USH2A: variants seen among roughly 807,000 people sequenced by gnomAD.
USH2A encodes Usher syndrome 2A (autosomal recessive, mild).
USH2A carries 443 observed loss-of-function variants against 538.9 expected under a neutral mutation model. The ratio of observed to expected loss-of-function variants is 0.82; its 90% CI spans 0.76 to 0.89. The LOEUF is 0.89. Among genes scored for constraint, USH2A ranks in the 40% least tolerant of loss-of-function variants. The pLI, the probability that USH2A is intolerant of heterozygous loss-of-function variation, is 0.00. For synonymous variants in USH2A, 2,413 were observed against 2,273.5 expected, an observed-to-expected ratio of 1.06 and a Z score of -1.75; for missense variants, 6,633 against 6,324.8, an observed-to-expected ratio of 1.05 and a Z score of -1.65.
intron 61 of USH2A, among the ~76,000 whole-genome samples, chr1:215,716,572 T>C (rs1269514769): frequency 6.6e-6 from 1 of 152,204 alleles, no homozygotes; most frequent in Non-Finnish European, 1.5e-5. Context: ...ATTCACTACT[T>C]GTGTCTTGTC....
At chr1:215,719,131 G>C (rs1461436250) in intron 61 of USH2A, among the ~76,000 whole-genome samples, 1 of 152,102 alleles carries the variant, frequency 6.6e-6, no homozygotes, top group East Asian at 1.9e-4. Flanking sequence ...TGTATGATTT[G>C]AGAAGTGTGA....
intron 32 of USH2A, among the ~76,000 whole-genome samples, chr1:216,042,452 C>G (rs962506965): frequency 6.6e-6 from 1 of 151,980 alleles, no homozygotes; most frequent in Non-Finnish European, 1.5e-5. Flanking sequence ...TACAGATCCA[C>G]TTTAGTAGAC....
At position 216,292,229 on chromosome 1, in the gene USH2A, C is replaced by A; in HGVS notation, c.1786G>T (p.Glu596Ter). Residue 596 changes from glutamate to a stop codon, truncating the protein, a stop_gained, in exon 10 of 72, where the codon GAG becomes TAG. Coordinates refer to ENST00000307340, the MANE Select transcript of USH2A (RefSeq NM_206933.4). LOFTEE classifies it high-confidence loss of function. ...ACTCCTCCTCCCCCTCTGAAGTGCTCAAAAGGAAATGGGTCTACAGAGATG... is the reference window on the plus strand; with the variant it reads ...ACTCCTCCTCCCCCTCTGAAGTGCTAAAAAGGAAATGGGTCTACAGAGATG... ...YNISVDPFPFEHFRGGGGVCD... is the reference protein window; with the variant it reads ...YNISVDPFPF 1 of 1,614,022 alleles carries A rather than the reference C, an allele frequency of 6.2e-7. No homozygotes were observed. The highest frequency in any genetic ancestry group is 1.1e-5 in the South Asian group (1 of 91,054).
chr1:215,855,329 A>T (rs966034699), intron 44 of USH2A, among the ~76,000 whole-genome samples: 10 of 152,226 alleles, frequency 6.6e-5, no homozygotes, highest in African/African-American at 2.4e-4. Context: ...TACACAAATC[A>T]GTAGCACTGT....
In USH2A at chr1:215,910,697, CATCA is replaced by C. The variant is rs552048146; in HGVS notation, c.7301-9796_7301-9793del. ...TTACTCATTTATTATTTCTTAGTAA[CATCA>C]ATCAAAGTATCTTCTTAAGTATCAC... On this transcript the variant is annotated intron_variant, in intron 38 of 71. Coordinates refer to ENST00000307340, the MANE Select transcript of USH2A (RefSeq NM_206933.4). Among the ~76,000 whole-genome samples the C allele has an allele frequency of 7.9e-5, 12 of 151,962 alleles. No individual in the cohort carries two copies. The South Asian group carries it at 1.5e-3, about 18-fold the overall frequency.
intron 62 of USH2A, among the ~76,000 whole-genome samples, chr1:215,677,562 ACCT>A (rs747595160): frequency 5.6e-4 from 85 of 152,078 alleles, no homozygotes; most frequent in Non-Finnish European, 1.0e-3. Context: ...GATCACAGTG[ACCT>A]CCTCATTTCT....
chr1:216,281,366 A>G (rs1035968393), intron 11 of USH2A, among the ~76,000 whole-genome samples: 1 of 152,188 alleles, frequency 6.6e-6, no homozygotes. Flanking sequence ...AAAAGTTTAT[A>G]TAAAAGGAAA....
At chr1:215,817,278 A>C (rs1475676623) in intron 47 of USH2A, 83 bp from the exon 48 acceptor site, 2 of 873,152 alleles carry the variant, frequency 2.3e-6, no homozygotes, top group African/African-American at 3.4e-5. Flanking sequence ...AAGTGGCAGC[A>C]ATAGATACTA....
At chr1:216,179,562 G>A (rs886278025) in intron 20 of USH2A, among the ~76,000 whole-genome samples, 5 of 152,004 alleles carry the variant, frequency 3.3e-5, no homozygotes, top group Non-Finnish European at 7.4e-5. Flanking sequence ...AGTTTCACAT[G>A]GAGGAGTCAA....
intron 4 of USH2A, among the ~76,000 whole-genome samples, chr1:216,351,811 A>G (rs574547892): frequency 1.3e-5 from 2 of 151,804 alleles, no homozygotes; most frequent in Non-Finnish European, 2.9e-5. Context: ...ATATATTTTG[A>G]TTCTAACACC....
At chr1:216,337,646 T>C (rs1310253657) in intron 4 of USH2A, among the ~76,000 whole-genome samples, 4 of 151,392 alleles carry the variant, frequency 2.6e-5, no homozygotes, top group African/African-American at 4.8e-5. Context: ...TGCTTTTTTT[T>C]CCAAGATTGT....
intron 5 of USH2A, 23 bp downstream of exon 5, chr1:216,327,568 T>A: frequency 6.2e-7 from 1 of 1,612,584 alleles, no homozygotes; most frequent in Non-Finnish European, 8.5e-7. Context: ...GTTCTTGAGG[T>A]TTACAATGCA....
Position 215,675,477 on chromosome 1 carries a change from G to A in USH2A, c.12434C>T (p.Pro4145Leu). The change falls in exon 63 of 72, where the codon CCT becomes CTT. Residue 4145 changes from proline to leucine, a missense_variant. Transcript: ENST00000307340. ...GGCTTCATCTGTCCACAGAGGCTGA[G>A]GCGCCGAGTGTGCACAACCTGCTCT... is the stretch of plus-strand genomic sequence containing the variant. ...CTRAGCAHSA[P>L]QPLWTDEAPP... 2 of 1,614,116 alleles carry A rather than the reference G, an allele frequency of 1.2e-6. No homozygotes were observed.
At chr1:216,314,153 C>A (rs1470314884) in intron 9 of USH2A, among the ~76,000 whole-genome samples, 1 of 152,078 alleles carries the variant, frequency 6.6e-6, no homozygotes, top group Non-Finnish European at 1.5e-5. Flanking sequence ...TATGTTTATA[C>A]TTTCACTATC....
intron 13 of USH2A, among the ~76,000 whole-genome samples, chr1:216,239,279 C>A (rs1003938214): frequency 4.6e-5 from 7 of 152,058 alleles, no homozygotes; most frequent in Non-Finnish European, 7.4e-5. Context: ...TGTTATTTTT[C>A]CTCATTTGCA....
At chr1:216,266,611 A>G (rs1478548839) in intron 11 of USH2A, among the ~76,000 whole-genome samples, 3 of 152,140 alleles carry the variant, frequency 2.0e-5, no homozygotes, top group Non-Finnish European at 4.4e-5. Context: ...AATGGAAGGC[A>G]TGGGATTCAG....
At chr1:216,105,669 G>A (rs1483983742) in intron 21 of USH2A, among the ~76,000 whole-genome samples, 1 of 151,798 alleles carries the variant, frequency 6.6e-6, no homozygotes. Context: ...AATTTTGATT[G>A]GAATTACATT....
intron 61 of USH2A, among the ~76,000 whole-genome samples, chr1:215,685,153 T>C (rs1479765318): frequency 6.6e-6 from 1 of 152,060 alleles, no homozygotes; most frequent in Non-Finnish European, 1.5e-5. Flanking sequence ...ATGACTTTTA[T>C]ATGTCGTAAT....
intron 3 of USH2A, among the ~76,000 whole-genome samples, chr1:216,412,120 A>G (rs2102774619): frequency 6.6e-6 from 1 of 152,122 alleles, no homozygotes; most frequent in East Asian, 1.9e-4. Flanking sequence ...ATATGTTCAA[A>G]TTTATGGTGT....
Sources: gnomAD v4.1 joint callset for allele counts (sites outside exome capture counted in the v4.1 genomes callset) on GRCh38, gnomAD v4.1.1 for gene constraint, MANE v1.5 for transcripts, NCBI Gene and HGNC (gene_info 2026-07-23, HGNC 2026-07-21) for gene names.